Variants in HECTD4 observed in about 807,000 individuals in gnomAD.
The protein encoded by HECTD4 is probable E3 ubiquitin-protein ligase HECTD4.
In HECTD4, 114 loss-of-function variants were observed where a neutral mutation model predicts 471.5. The ratio of observed to expected loss-of-function variants is 0.24; its 90% CI spans 0.21 to 0.28. The LOEUF (loss-of-function observed/expected upper bound fraction) is 0.28, where lower values mean the gene tolerates loss of function less well. HECTD4 is among the 10% of genes least tolerant of loss of function. The pLI, the probability that HECTD4 is intolerant of heterozygous loss-of-function variation, is 1.00. For missense variants in HECTD4, 3,866 were observed against 5,651.5 expected (o/e 0.68, Z 10.13); for synonymous variants, 2,012 against 2,256.0 (o/e 0.89, Z 3.07).
At chr12:112,277,362 G>A (rs975751809) in intron 9 of HECTD4, among the ~76,000 whole-genome samples, 2 of 152,176 alleles carry the variant, frequency 1.3e-5, no homozygotes, top group African/African-American at 4.8e-5. Flanking sequence ...CTGTGAAGAC[G>A]CCTGCTTCTC....
intron 55 of HECTD4, among the ~76,000 whole-genome samples, chr12:112,197,598 A>G (rs777863537): frequency 6.6e-6 from 1 of 152,246 alleles, no homozygotes; most frequent in South Asian, 2.1e-4. Context: ...ACAGATCTGC[A>G]TGGCATGTTT....
At chr12:112,345,304 G>A (rs996331372) in intron 1 of HECTD4, among the ~76,000 whole-genome samples, 4 of 149,740 alleles carry the variant, frequency 2.7e-5, no homozygotes, top group Non-Finnish European at 4.4e-5. Context: ...AAGGTCAGAA[G>A]AAGAAAAAAG....
In HECTD4 at chr12:112,235,567, TG is replaced by T; in HGVS notation, c.5661del (p.Ser1888AlafsTer12). ...VPSLNSEQED[P>X]SDPASKIASL... The stretch of plus-strand genomic sequence containing the variant: ...GAGGCGATCTTGGAAGCTGGGTCGC[TG>T]GGATCCTCCTGCTCACTGTTTAAGG... On this transcript the variant is annotated frameshift_variant, in exon 36 of 76. Transcript: ENST00000682272. LOFTEE classifies it high-confidence loss of function. This position sits in a 1 kb window ranked among gnomAD's most constrained non-coding sequence, Gnocchi z 5.0. 6.2e-7 allele frequency: 1 copy of T among 1,613,952 alleles called. No individual in the cohort carries two copies. Among genetic ancestry groups the T allele is most frequent in the African/African-American group, 1.3e-5 (1 of 75,066 alleles).
rs1311385866 is a variant in HECTD4 at position 112,288,526 on chromosome 12, G to A, written c.1336-5224C>T. ...AGTCCCAGCTACTCAGGAGGCTGAG[G>A]TGGGAGGAATGCTTGAGCCCAGAGT... On this transcript the variant is annotated intron_variant, in intron 7 of 75. Coordinates refer to ENST00000682272, the MANE Select transcript of HECTD4 (RefSeq NM_001388303.1). Among the ~76,000 whole-genome samples, 7 of 152,166 alleles carry A rather than the reference G, an allele frequency of 4.6e-5. No individual in the cohort carries two copies. In the East Asian group the frequency reaches 1.3e-3, roughly 29 times the overall value.
At chr12:112,199,828 T>C (rs1453754053) in intron 55 of HECTD4, among the ~76,000 whole-genome samples, 1 of 152,226 alleles carries the variant, frequency 6.6e-6, no homozygotes, top group Non-Finnish European at 1.5e-5. Context: ...TTACCTTTTC[T>C]TGACTTGCTT....
At chr12:112,333,568 C>G (rs1209632424) in intron 1 of HECTD4, among the ~76,000 whole-genome samples, 1 of 152,130 alleles carries the variant, frequency 6.6e-6, no homozygotes, top group African/African-American at 2.4e-5. Flanking sequence ...ACAATAGAGG[C>G]CAGACATGGT....
intron 1 of HECTD4, among the ~76,000 whole-genome samples, chr12:112,337,885 C>G (rs2035986968): frequency 6.6e-6 from 1 of 152,176 alleles, no homozygotes; most frequent in Non-Finnish European, 1.5e-5. Flanking sequence ...CTTTGACACT[C>G]CTGGTAGAAA....
chr12:112,362,214 T>G (rs1328066280), intron 1 of HECTD4, among the ~76,000 whole-genome samples: 1 of 152,188 alleles, frequency 6.6e-6, no homozygotes, highest in Non-Finnish European at 1.5e-5. Context: ...TTGAAAAGAT[T>G]TCCGTTTCAG....
At chr12:112,251,515 T>C (rs1199799925) in intron 23 of HECTD4, among the ~76,000 whole-genome samples, 1 of 152,260 alleles carries the variant, frequency 6.6e-6, no homozygotes, top group Non-Finnish European at 1.5e-5. Context: ...ATGTTGTCAA[T>C]GACTGCAGTG....
At chr12:112,267,099 C>T (rs778601244) in intron 13 of HECTD4, 117 bp from the exon 14 acceptor site, 95 of 646,876 alleles carry the variant, frequency 1.5e-4, no homozygotes, top group Admixed American at 1.3e-3. Flanking sequence ...AATCTGGCTG[C>T]GACATCTGTC....
chr12:112,377,070 C>A (rs1209148130), intron 1 of HECTD4, among the ~76,000 whole-genome samples: 1 of 152,154 alleles, frequency 6.6e-6, no homozygotes, highest in African/African-American at 2.4e-5. Context: ...AGAGATGGCA[C>A]TACTGCATTC....
intron 1 of HECTD4, among the ~76,000 whole-genome samples, chr12:112,329,380 T>G (rs2035805127): frequency 6.6e-6 from 1 of 151,660 alleles, no homozygotes; most frequent in African/African-American, 2.4e-5. Flanking sequence ...GTTTTTTTTT[T>G]TTTTTTTAAC....
Position 112,265,175 on chromosome 12 carries a change from A to G in HECTD4, c.2619T>C (p.Pro873=), listed in dbSNP as rs917243547. 6.3e-7 allele frequency: 1 copy of G among 1,590,342 alleles called. No homozygotes were observed. The highest frequency in any genetic ancestry group is 8.5e-7 in the Non-Finnish European group (1 of 1,171,766). The stretch of plus-strand genomic sequence containing the variant: ...TTTCATTAAACACATTTTTACTTAC[A>G]GGCACAGTTGAAAGGAGCTTTTGAA... ...DDFQKLLSTV[P]AASSCLRYLM... is the part of the protein sequence containing the mutation. The change falls in exon 16 of 76, where the codon CCT becomes CCC. Residue 873 remains proline, a splice_region_variant and synonymous_variant. Coordinates refer to ENST00000682272, the MANE Select transcript of HECTD4 (RefSeq NM_001388303.1).
rs1279663709 is a variant in HECTD4, at chr12:112,239,982, T to C, written c.5004A>G (p.Glu1668=). The C allele has an allele frequency of 1.2e-6, 2 of 1,613,958 alleles. No homozygotes were observed. The highest frequency in any genetic ancestry group is 1.3e-5 in the African/African-American group (1 of 75,036). ...CAGAGGTCATGGTCTCGCCAAAGGC[T>C]TCCTGGACCTGCTCGACCATCCCAC... is the stretch of plus-strand genomic sequence containing the variant. ...TCGGMVEQVQ[E]AFGETMTSVV... is the part of the protein sequence containing the mutation. The change falls in exon 33 of 76, where the codon GAA becomes GAG. Residue 1668 remains glutamate, a synonymous_variant. Coordinates refer to ENST00000682272, the MANE Select transcript of HECTD4 (RefSeq NM_001388303.1). This position sits in a 1 kb window ranked among gnomAD's most constrained non-coding sequence, Gnocchi z 4.9.
chr12:112,192,670 G>A lies in HECTD4; in HGVS notation c.9182C>T (p.Ala3061Val), dbSNP rs2032118628. Residue 3061 changes from alanine (A) to valine (V), a missense_variant, in exon 59 of 76, where the codon GCC (alanine) becomes GTC (valine). Physicochemically the swap from Ala to Val is moderately conservative, Grantham distance 64. Coordinates refer to ENST00000682272, the MANE Select transcript of HECTD4 (RefSeq NM_001388303.1). ...RNGQLNLIEA[A>V]CYPRDASPAN... Reference sequence around the variant, plus strand: ...TGGGGACGCGTCCCGCGGGTAACAGGCGGCCTCGATGAGGTTCAGCTGGCC... The same window carrying A: ...TGGGGACGCGTCCCGCGGGTAACAGACGGCCTCGATGAGGTTCAGCTGGCC... 6.2e-7 allele frequency: 1 copy of A among 1,605,488 alleles called. No homozygotes were observed. The highest frequency in any genetic ancestry group is 8.5e-7 in the Non-Finnish European group (1 of 1,176,416).
chr12:112,302,537 T>C (rs1402018271), intron 7 of HECTD4: 10 of 719,768 alleles, frequency 1.4e-5, no homozygotes, highest in African/African-American at 5.2e-5. Context: ...TTGGGCTGGA[T>C]GTCCTGTCCA....
intron 67 of HECTD4, 29 bp downstream of exon 67, chr12:112,172,642 G>T (rs762410161): frequency 1.2e-6 from 2 of 1,607,248 alleles, no homozygotes; most frequent in Non-Finnish European, 1.7e-6. Context: ...TCAGGCAGCA[G>T]GGGAGGGGAT....
At chr12:112,320,984 C>T (rs2035574850) in intron 1 of HECTD4, among the ~76,000 whole-genome samples, 1 of 152,050 alleles carries the variant, frequency 6.6e-6, no homozygotes, top group African/African-American at 2.4e-5. Context: ...GCTGGGATTA[C>T]AAGGGTGTGC....
Position 112,250,251 on chromosome 12 carries a change from A to G in HECTD4, c.3843T>C (p.Pro1281=). Residue 1281 remains proline, a synonymous_variant, in exon 25 of 76, where the codon CCT becomes CCC. Coordinates refer to ENST00000682272, the MANE Select transcript of HECTD4 (RefSeq NM_001388303.1). Reference sequence around the variant, plus strand: ...GAGGCAGATCAAAGTAGTTTCCAACAGGAGGCACGAGGACATCAGAGGGGT... The same window carrying G: ...GAGGCAGATCAAAGTAGTTTCCAACGGGAGGCACGAGGACATCAGAGGGGT... ...FTYPSDVLVP[P]VGNYFDLPRI... is the part of the protein sequence containing the mutation. The G allele has an allele frequency of 6.2e-7, 1 of 1,614,004 alleles. No individual in the cohort carries two copies. Among genetic ancestry groups the G allele is most frequent in the Non-Finnish European group, 8.5e-7 (1 of 1,179,872 alleles).
Sources: allele counts gnomAD v4.1 joint callset (sites outside exome capture counted in the v4.1 genomes callset), GRCh38; gene constraint gnomAD v4.1.1; non-coding constraint Gnocchi (gnomAD v3.1); transcripts MANE v1.5; gene names NCBI Gene and HGNC (gene_info 2026-07-23, HGNC 2026-07-21).